Variants in MINK1 observed in about 807,000 individuals in gnomAD.
The protein encoded by MINK1 is misshapen like kinase 1.
In MINK1, 46 loss-of-function variants were observed where a neutral mutation model predicts 178.4. The observed-to-expected ratio is 0.26, with a 90% CI of 0.20 to 0.33. MINK1 has a LOEUF of 0.33. Ranked by LOEUF, MINK1 falls within the 10% of genes least tolerant of loss-of-function variation. The pLI, the probability that MINK1 is intolerant of heterozygous loss-of-function variation, is 1.00. For synonymous variants in MINK1, 797 were observed against 709.7 expected (o/e 1.12, Z -1.96); for missense variants, 1,366 against 1,814.9 (o/e 0.75, Z 4.49).
At chr17:4,877,139 G>A (rs1164425505) in intron 1 of MINK1, among the ~76,000 whole-genome samples, 1 of 151,690 alleles carries the variant, frequency 6.6e-6, no homozygotes, top group South Asian at 2.1e-4. Context: ...CAGGAGTGTG[G>A]ACAGTACTGG....
At chr17:4,878,468 G>A (rs1967395122) in intron 2 of MINK1, 86 bp downstream of exon 2, 19 of 1,215,338 alleles carry the variant, frequency 1.6e-5, no homozygotes, top group Non-Finnish European at 2.0e-5. Flanking sequence ...CTGGTCTGCA[G>A]GTCTGAAGGG....
At position 4,887,775 on chromosome 17, in the gene MINK1, G is replaced by C; in HGVS notation, c.1215G>C (p.Arg405=). ...GCATAGAGGAGCAGAAGGAGGAGCG[G>C]CGCCGCGTGGAGGAGGTGGGCTGTC... The part of the protein sequence containing the change: ...QRRIEEQKEE[R]RRVEEQQRRE... Residue 405 remains arginine (R), a synonymous_variant, in exon 12 of 32, where the codon CGG becomes CGC. Coordinates refer to ENST00000355280, the MANE Select transcript of MINK1 (RefSeq NM_153827.5). This position sits in a 1 kb window ranked among gnomAD's most constrained non-coding sequence, Gnocchi z 7.6. The C allele has an allele frequency of 1.3e-6, 2 of 1,522,564 alleles. No individual in the cohort carries two copies. The highest frequency in any genetic ancestry group is 8.8e-7 in the Non-Finnish European group (1 of 1,133,118). The allele number at this position is 1,522,564 out of a possible 1,614,324, so 94.3% of individuals were successfully genotyped here.
In MINK1 at chr17:4,833,347, G is replaced by A. The variant is rs1391703306; in HGVS notation, c.-237G>A. On this transcript the variant is annotated 5_prime_UTR_variant, in exon 1 of 32. Coordinates refer to ENST00000355280, the MANE Select transcript of MINK1 (RefSeq NM_153827.5). The surrounding 1 kb of genome is among the most constrained non-coding windows in gnomAD (Gnocchi z 4.8). ...TCGCGCTTCCACCCTCCCAGTGCGCGGTCGCTCCGCGCCTGCGCAGGAGAG... is the reference window on the plus strand; with the variant it reads ...TCGCGCTTCCACCCTCCCAGTGCGCAGTCGCTCCGCGCCTGCGCAGGAGAG... 4.7e-6 allele frequency: 2 copies of A among 423,762 alleles called. No homozygotes were observed. The highest frequency in any genetic ancestry group is 4.7e-5 in the Admixed American group (1 of 21,458). The allele number at this position is 423,762 out of a possible 1,614,324, so 26.3% of individuals were successfully genotyped here. A position where few individuals can be genotyped will look rare whatever the true frequency, so the allele number is the denominator to read the frequency against.
At chr17:4,858,100 T>C (rs79248783) in intron 1 of MINK1, among the ~76,000 whole-genome samples, 8,653 of 152,258 alleles carry the variant, frequency 0.057, 525 homozygotes, top group East Asian at 0.3. Flanking sequence ...TCCATTTGCA[T>C]AGCAGTCACT....
rs1909327437 is a variant in MINK1 at position 4,836,499 on chromosome 17, G to C, written c.57+2859G>C. Among the ~76,000 whole-genome samples the C allele has an allele frequency of 6.6e-6, 1 of 152,128 alleles. No individual in the cohort carries two copies. Among genetic ancestry groups the C allele is most frequent in the Non-Finnish European group, 1.5e-5 (1 of 68,026 alleles). On this transcript the variant is annotated intron_variant, in intron 1 of 31. Transcript: ENST00000355280. The surrounding 1 kb of genome is among the most constrained non-coding windows in gnomAD (Gnocchi z 4.3). ...GTTGCAGCCCTGAGTTCAAGTCCTA[G>C]TTTCTTCCCTTACAATGTAACCCTG...
At chr17:4,849,194 ATCT>A (rs1457401378) in intron 1 of MINK1, among the ~76,000 whole-genome samples, 181 of 152,242 alleles carry the variant, frequency 1.2e-3, no homozygotes, top group Non-Finnish European at 1.5e-3. Flanking sequence ...TAACTTCAAA[ATCT>A]TCTATCTGAA....
chr17:4,868,196 C>G (rs137899095), intron 1 of MINK1, among the ~76,000 whole-genome samples: 2 of 152,290 alleles, frequency 1.3e-5, no homozygotes, highest in Non-Finnish European at 2.9e-5. Flanking sequence ...AGGCTGGTCT[C>G]AAACTCCTGA....
Position 4,851,999 on chromosome 17 carries a change from C to CAAAAAAA in MINK1, c.57+18381_57+18387dup, listed in dbSNP as rs535581252. On this transcript the variant is annotated intron_variant, in intron 1 of 31. Coordinates refer to ENST00000355280, the MANE Select transcript of MINK1 (RefSeq NM_153827.5). ...TGGGCAACAGAGTGAGACTCTGTCTCAAAAAAAAAAAAAAAAAAAAAAAAA... is the reference window on the plus strand; with the variant it reads ...TGGGCAACAGAGTGAGACTCTGTCTCAAAAAAAAAAAAAAAAAAAAAAAAAAAAAAAA... Among the ~76,000 whole-genome samples, 478 of 69,438 alleles carry CAAAAAAA rather than the reference C, an allele frequency of 6.9e-3. 25 individuals carry two copies. The highest frequency in any genetic ancestry group is 0.026 in the African/African-American group (399 of 15,520). The allele number at this position is 69,438 out of a possible 152,430, so 45.6% of individuals were successfully genotyped here. A position where few individuals can be genotyped will look rare whatever the true frequency, so the allele number is the denominator to read the frequency against.
chr17:4,860,744 G>A (rs765486268), intron 1 of MINK1: 4 of 519,920 alleles, frequency 7.7e-6, no homozygotes, highest in Non-Finnish European at 1.5e-5. Flanking sequence ...GTTCTCCCCT[G>A]GTCAGTTCTA....
chr17:4,868,409 T>G (rs894615693), intron 1 of MINK1, among the ~76,000 whole-genome samples: 1 of 152,174 alleles, frequency 6.6e-6, no homozygotes, highest in Non-Finnish European at 1.5e-5. Flanking sequence ...CAGCCTCTCT[T>G]CATCCCCCTG....
At position 4,887,937 on chromosome 17, in the gene MINK1, G is replaced by A. The variant is rs535720154; in HGVS notation, c.1230+147G>A. The A allele has an allele frequency of 2.5e-4, 180 of 714,906 alleles. No homozygotes were observed. The highest frequency in any genetic ancestry group is 3.5e-4 in the Non-Finnish European group (166 of 470,678). 44.3% of individuals were successfully genotyped at this position (714,906 alleles called of 1,614,324 possible). The stretch of plus-strand genomic sequence containing the variant: ...ATTATATGATTTCAAATTTCATGAT[G>A]AGCTGGACTTAACACAAAATGTAAT... On this transcript the variant is annotated intron_variant, in intron 12 of 31. Transcript: ENST00000355280. This position sits in a 1 kb window ranked among gnomAD's most constrained non-coding sequence, Gnocchi z 7.6.
chr17:4,886,103 G>GTCTCC lies in MINK1; in HGVS notation c.695-13_695-9dup. On this transcript the variant is annotated splice_polypyrimidine_tract_variant and intron_variant, in intron 8 of 31. Transcript: ENST00000355280. This position sits in a 1 kb window ranked among gnomAD's most constrained non-coding sequence, Gnocchi z 6.1. ...CAGTGCAGTGAAAGGGACTGAGGGTGTCTCCTCTGTGTCCAGCTCTGTGTG... is the reference window on the plus strand; with the variant it reads ...CAGTGCAGTGAAAGGGACTGAGGGTGTCTCCTCTCCTCTGTGTCCAGCTCTGTGTG... 1.2e-6 allele frequency: 2 copies of GTCTCC among 1,613,500 alleles called. No individual in the cohort carries two copies. Among genetic ancestry groups the GTCTCC allele is most frequent in the Non-Finnish European group, 1.7e-6 (2 of 1,179,458 alleles).
chr17:4,841,628 T>C (rs530475853), intron 1 of MINK1, among the ~76,000 whole-genome samples: 71 of 152,226 alleles, frequency 4.7e-4, no homozygotes, highest in African/African-American at 1.5e-3. Flanking sequence ...TAATGTTTTA[T>C]GGTCTTGTTT....
chr17:4,870,043 G>T (rs1398093888), intron 1 of MINK1, among the ~76,000 whole-genome samples: 1 of 151,092 alleles, frequency 6.6e-6, no homozygotes, highest in Admixed American at 6.6e-5. Context: ...GAGTAGCTGG[G>T]ACTACAGGCA....
rs1287484064 is a variant in MINK1 at position 4,890,479 on chromosome 17, C to T, written c.1348-38C>T. On this transcript the variant is annotated intron_variant, in intron 13 of 31. Coordinates refer to ENST00000355280, the MANE Select transcript of MINK1 (RefSeq NM_153827.5). ...ATGCCTGCTCTAACTCCCAGGGCCA[C>T]ACCCTGCTGAGCCCTCTCTCCCTAC... 3.9e-6 allele frequency: 6 copies of T among 1,553,968 alleles called. No individual in the cohort carries two copies. In the East Asian group the frequency reaches 1.2e-4, roughly 31 times the overall value.
chr17:4,888,061 C>T (rs79194882), intron 12 of MINK1, among the ~76,000 whole-genome samples: 17,012 of 152,016 alleles, frequency 0.11, 1,634 homozygotes, highest in East Asian at 0.5. Flanking sequence ...ACTAATAATA[C>T]AAAAATTAGC....
chr17:4,894,683 C>T lies in MINK1; in HGVS notation c.2917+50C>T. On this transcript the variant is annotated intron_variant, in intron 24 of 31. Transcript: ENST00000355280. The surrounding 1 kb of genome is among the most constrained non-coding windows in gnomAD (Gnocchi z 4.1). The stretch of plus-strand genomic sequence containing the variant: ...TGTGAGGCCAGGGTCCAGGGGCAGC[C>T]TGGAGGGGAGCACAGTGGTCTTGAG... 7.0e-7 allele frequency: 1 copy of T among 1,425,832 alleles called. No individual in the cohort carries two copies. The highest frequency in any genetic ancestry group is 9.7e-7 in the Non-Finnish European group (1 of 1,027,814). The allele number at this position is 1,425,832 out of a possible 1,614,324, so 88.3% of individuals were successfully genotyped here.
Position 4,881,268 on chromosome 17 carries a change from C to T in MINK1, c.306+11C>T, listed in dbSNP as rs1291028911. On this transcript the variant is annotated intron_variant, in intron 4 of 31. Coordinates refer to ENST00000355280, the MANE Select transcript of MINK1 (RefSeq NM_153827.5). ...GATGACCAGCTCTGGGTGAGAAACG[C>T]CCCCCTGCCCGCCTTCCCTCCCCGC... The T allele has an allele frequency of 2.6e-6, 4 of 1,535,960 alleles. No individual in the cohort carries two copies. The highest frequency in any genetic ancestry group is 3.5e-6 in the Non-Finnish European group (4 of 1,146,162).
chr17:4,844,871 C>G (rs1910783761), intron 1 of MINK1, among the ~76,000 whole-genome samples: 1 of 152,186 alleles, frequency 6.6e-6, no homozygotes, highest in Middle Eastern at 3.4e-3. Context: ...ATATGTAAGA[C>G]TTACCATTAT....
Sources: allele counts gnomAD v4.1 joint callset (sites outside exome capture counted in the v4.1 genomes callset), GRCh38; gene constraint gnomAD v4.1.1; non-coding constraint Gnocchi (gnomAD v3.1); transcripts MANE v1.5; gene names NCBI Gene and HGNC (gene_info 2026-07-23, HGNC 2026-07-21).